Variants in CERK observed in about 807,000 individuals in gnomAD.
The protein encoded by CERK is acylsphingosine kinase.
CERK carries 39 observed loss-of-function variants against 63.4 expected under a neutral mutation model. The observed-to-expected ratio is 0.61, with a 90% CI of 0.48 to 0.80. The LOEUF is 0.80. Ranked by LOEUF, CERK falls within the 30% of genes least tolerant of loss-of-function variation. The probability of loss-of-function intolerance (pLI) is 0.00; values close to 1 mark genes in which losing one functional copy is unlikely to be tolerated. For synonymous variants in CERK, 302 were observed against 280.0 expected (o/e 1.08, Z -0.78); for missense variants, 670 against 714.1 (o/e 0.94, Z 0.70).
rs2082985075 is a variant in CERK, at chr22:46,738,104, C to A, written c.45G>T (p.Trp15Cys). The A allele has an allele frequency of 7.8e-7, 1 of 1,280,958 alleles. No individual in the cohort carries two copies. Among genetic ancestry groups the A allele is most frequent in the East Asian group, 3.8e-5 (1 of 26,514 alleles). 79.3% of individuals were successfully genotyped at this position (1,280,958 alleles called of 1,614,324 possible). Residue 15 changes from tryptophan (W) to cysteine (C), a missense_variant, in exon 1 of 13, where the codon TGG (tryptophan) becomes TGT (cysteine). Trp to Cys is a radical substitution (Grantham distance 215). Transcript: ENST00000216264. The stretch of plus-strand genomic sequence containing the variant: ...TCACGGCGCAGCGCTGCTGCTTCAC[C>A]CACAGCACGGATTGCAGCGGCTCCG... The part of the protein sequence containing the change: ...GAAEPLQSVL[W>C]VKQQRCAVSL...
At chr22:46,708,483 G>A (rs2082824833) in intron 5 of CERK, among the ~76,000 whole-genome samples, 2 of 152,238 alleles carry the variant, frequency 1.3e-5, no homozygotes, top group South Asian at 2.1e-4. Flanking sequence ...CCGAGAGCAC[G>A]ACTCTAGCTC....
Position 46,719,119 on chromosome 22 carries a change from G to A in CERK, c.379+967C>T, listed in dbSNP as rs1990741. 7.0e-3 allele frequency among the ~76,000 whole-genome samples: 1,065 copies of A among 151,884 alleles called. 14 individuals carry two copies. The highest frequency in any genetic ancestry group is 0.025 in the African/African-American group (1,019 of 41,340). Reference sequence around the variant, plus strand: ...AGCAAACAACATGAAATAGTGTTATGAATACAAAATGAATGAACACCTACC... The same window carrying A: ...AGCAAACAACATGAAATAGTGTTATAAATACAAAATGAATGAACACCTACC... On this transcript the variant is annotated intron_variant, in intron 3 of 12. Coordinates refer to ENST00000216264, the MANE Select transcript of CERK (RefSeq NM_022766.6).
chr22:46,724,961 C>T (rs1227695930), intron 1 of CERK, among the ~76,000 whole-genome samples: 1 of 151,998 alleles, frequency 6.6e-6, no homozygotes, highest in East Asian at 1.9e-4. Flanking sequence ...GCGGGGCTTG[C>T]AGTGAGCCAA....
chr22:46,693,300 C>T, intron 10 of CERK, 127 bp downstream of exon 10: 1 of 744,670 alleles, frequency 1.3e-6, no homozygotes, highest in Non-Finnish European at 2.4e-6. Flanking sequence ...AAATGGATGC[C>T]TGGTGCCAGA....
chr22:46,729,233 T>C (rs1364463715), intron 1 of CERK, among the ~76,000 whole-genome samples: 1 of 152,132 alleles, frequency 6.6e-6, no homozygotes, highest in Non-Finnish European at 1.5e-5. Flanking sequence ...AGAATGATGG[T>C]ACATGCCTGT....
In CERK at chr22:46,701,643, G is replaced by A. The variant is rs1292665714; in HGVS notation, c.783C>T (p.Ile261=). 2.2e-5 allele frequency: 34 copies of A among 1,557,216 alleles called. No individual in the cohort carries two copies. Among genetic ancestry groups the A allele is most frequent in the African/African-American group, 9.6e-5 (7 of 73,248 alleles). The change falls in exon 7 of 13, where the codon ATC becomes ATT. Residue 261 remains isoleucine, a synonymous_variant. Transcript: ENST00000216264. ...CGCAGAGGAGGGGCTCACCAACAAC[G>A]ATATGCAGCGCCGAGGTTTCTGCGT... The part of the protein sequence containing the change: ...TSDAETSALH[I]VVGDSLAMDV...
rs550353539 is a variant in CERK at position 46,690,951 on chromosome 22, A to T, written c.1332+621T>A. Among the ~76,000 whole-genome samples the T allele has an allele frequency of 5.3e-4, 81 of 152,190 alleles. 1 individual carries two copies. The South Asian group carries it at 0.016, about 31-fold the overall frequency. ...CTCAAATACATGTGTGTGTATATGT[A>T]TGTATGTATGTGTGTGTATATGTAT... On this transcript the variant is annotated intron_variant, in intron 11 of 12. Transcript: ENST00000216264.
rs372810462 is a variant in CERK at position 46,699,386 on chromosome 22, G to A, written c.870C>T (p.Tyr290=). 12 of 1,613,980 alleles carry A rather than the reference G, an allele frequency of 7.4e-6. No individual in the cohort carries two copies. Among genetic ancestry groups the A allele is most frequent in the African/African-American group, 6.7e-5 (5 of 74,928 alleles). The stretch of plus-strand genomic sequence containing the variant: ...CCTTGATGATGTCCCCGTAGAAGCC[G>A]TAGCCCAGCAGGGACACGGAGTAGC... ...LLRYSVSLLG[Y]GFYGDIIKDS... is the part of the protein sequence containing the mutation. The change falls in exon 8 of 13, where the codon TAC becomes TAT. Residue 290 remains tyrosine, a synonymous_variant. Coordinates refer to ENST00000216264, the MANE Select transcript of CERK (RefSeq NM_022766.6).
rs539715181 is a variant in CERK at position 46,696,259 on chromosome 22, C to A, written c.944-944G>T. Reference sequence around the variant, plus strand: ...GACAGCCCCGTCTGTGGGTCTTGCACCTGGCATGGGCCAGGTGCCTGGAAT... The same window carrying A: ...GACAGCCCCGTCTGTGGGTCTTGCAACTGGCATGGGCCAGGTGCCTGGAAT... On this transcript the variant is annotated intron_variant, in intron 8 of 12. Transcript: ENST00000216264. Among the ~76,000 whole-genome samples, 6 of 152,340 alleles carry A rather than the reference C, an allele frequency of 3.9e-5. No homozygotes were observed. The East Asian group carries it at 9.6e-4, about 24-fold the overall frequency.
intron 8 of CERK, among the ~76,000 whole-genome samples, chr22:46,698,380 C>T (rs1051873235): frequency 1.3e-5 from 2 of 152,318 alleles, no homozygotes; most frequent in Admixed American, 1.3e-4. Context: ...AAACCAGGCC[C>T]GGCATAGAGC....
In CERK at chr22:46,693,385, GCA is replaced by G. The variant is rs755378278; in HGVS notation, c.1126+40_1126+41del. On this transcript the variant is annotated intron_variant, in intron 10 of 12. Transcript: ENST00000216264. Reference sequence around the variant, plus strand: ...AGAGAGGACAGAAACCCGCACTCCAGCACACACAGTGACAACACTGAGCCTGT... The same window carrying G: ...AGAGAGGACAGAAACCCGCACTCCAGCACACAGTGACAACACTGAGCCTGT... The G allele has an allele frequency of 3.2e-6, 5 of 1,546,434 alleles. No homozygotes were observed. The Admixed American group carries it at 8.3e-5, about 26-fold the overall frequency.
In CERK at chr22:46,686,976, C is replaced by A; in HGVS notation, c.*158G>T. ...CAGAACTGAAAATGCCAAATATGTA[C>A]ACAAAATTGTTGACAAAAGGGTTTT... On this transcript the variant is annotated 3_prime_UTR_variant, in exon 13 of 13. Transcript: ENST00000216264. The A allele has an allele frequency of 1.5e-6, 1 of 687,856 alleles. No individual in the cohort carries two copies. Among genetic ancestry groups the A allele is most frequent in the Non-Finnish European group, 2.4e-6 (1 of 417,192 alleles). The allele number at this position is 687,856 out of a possible 1,614,324, so 42.6% of individuals were successfully genotyped here. A position where few individuals can be genotyped will look rare whatever the true frequency, so the allele number is the denominator to read the frequency against.
chr22:46,707,887 G>A lies in CERK; in HGVS notation c.671C>T (p.Ala224Val). The change falls in exon 6 of 13, where the codon GCT becomes GTT. Residue 224 changes from alanine to valine, a missense_variant. Ala to Val is a moderately conservative substitution (Grantham distance 64). Transcript: ENST00000216264. Reference sequence around the variant, plus strand: ...CCGGAGGCTACTGGGGACCAGCACAGCCCGGGGGTGGTTCTGGTCGACCCC... The same window carrying A: ...CCGGAGGCTACTGGGGACCAGCACAACCCGGGGGTGGTTCTGGTCGACCCC... ...SAGVDQNHPR[A>V]VLVPSSLRIG... is the part of the protein sequence containing the mutation. 1 of 1,614,014 alleles carries A rather than the reference G, an allele frequency of 6.2e-7. No individual in the cohort carries two copies. The highest frequency in any genetic ancestry group is 8.5e-7 in the Non-Finnish European group (1 of 1,179,956).
At chr22:46,723,928 C>T (rs778908476) in intron 1 of CERK, among the ~76,000 whole-genome samples, 11 of 152,116 alleles carry the variant, frequency 7.2e-5, no homozygotes, top group Non-Finnish European at 1.5e-4. Context: ...GAACTCCTGA[C>T]CTCAGGTGAT....
At position 46,738,234 on chromosome 22, in the gene CERK, G is replaced by A. The variant is rs2082986327; in HGVS notation, c.-86C>T. 2 of 631,282 alleles carry A rather than the reference G, an allele frequency of 3.2e-6. No homozygotes were observed. Among genetic ancestry groups the A allele is most frequent in the African/African-American group, 4.3e-5 (2 of 46,732 alleles). 39.1% of individuals were successfully genotyped at this position (631,282 alleles called of 1,614,324 possible). The stretch of plus-strand genomic sequence containing the variant: ...GTTAGCGGCCCCTGCAGTGGCCCGG[G>A]CGGCGGGCGGCGGGCGGCGGGAGGC... On this transcript the variant is annotated 5_prime_UTR_variant, in exon 1 of 13. Coordinates refer to ENST00000216264, the MANE Select transcript of CERK (RefSeq NM_022766.6).
At chr22:46,734,556 C>T (rs553801059) in intron 1 of CERK, among the ~76,000 whole-genome samples, 8 of 152,318 alleles carry the variant, frequency 5.3e-5, no homozygotes, top group African/African-American at 1.4e-4. Context: ...TGGGCTGCTG[C>T]GATCCGGGTG....
At chr22:46,702,318 G>A (rs528655762) in intron 6 of CERK, among the ~76,000 whole-genome samples, 67 of 147,850 alleles carry the variant, frequency 4.5e-4, no homozygotes, top group Non-Finnish European at 8.4e-4. Context: ...TTTCCGAGAC[G>A]GAGTCTTGCT....
intron 12 of CERK, among the ~76,000 whole-genome samples, chr22:46,689,240 G>C (rs1271060733): frequency 1.3e-5 from 2 of 152,238 alleles, no homozygotes; most frequent in African/African-American, 4.8e-5. Context: ...GCCCTTCCCA[G>C]CCCTGCTGCC....
chr22:46,737,832 C>CTGG (rs1409290642), intron 1 of CERK, among the ~76,000 whole-genome samples, 175 bp downstream of exon 1: 2 of 152,086 alleles, frequency 1.3e-5, no homozygotes, highest in African/African-American at 4.8e-5. Context: ...AGCCCGGCCC[C>CTGG]TGGCCCCGGC....
Sources: gnomAD v4.1 joint callset for allele counts (sites outside exome capture counted in the v4.1 genomes callset) on GRCh38, gnomAD v4.1.1 for gene constraint, MANE v1.5 for transcripts, NCBI Gene and HGNC (gene_info 2026-07-23, HGNC 2026-07-21) for gene names.